The following PCMTD1 variants were observed in gnomAD, a reference collection of about 807,000 sequenced individuals.
PCMTD1 encodes the protein protein-L-isoaspartate (D-aspartate) O-methyltransferase domain containing 1.
In PCMTD1, 12 loss-of-function variants were observed where a neutral mutation model predicts 37.6. The observed-to-expected ratio is 0.32, with a 90% confidence interval of 0.20 to 0.52. The LOEUF is 0.52. Ranked by LOEUF, PCMTD1 falls within the 20% of genes least tolerant of loss-of-function variation. PCMTD1 has a pLI of 0.97. For synonymous variants in PCMTD1, 117 were observed against 135.8 expected (o/e 0.86, Z 0.96); for missense variants, 235 against 421.3 (o/e 0.56, Z 3.87).
At chr8:51,830,917 T>C (rs2037988118) in intron 5 of PCMTD1, among the ~76,000 whole-genome samples, 1 of 152,000 alleles carries the variant, frequency 6.6e-6, no homozygotes, top group South Asian at 2.1e-4. Flanking sequence ...AATTTGGTTT[T>C]GGTTTGACCT....
At chr8:51,898,140 C>CT (rs1417030806) in intron 1 of PCMTD1, among the ~76,000 whole-genome samples, 1 of 149,856 alleles carries the variant, frequency 6.7e-6, no homozygotes, top group African/African-American at 2.4e-5. Flanking sequence ...TAAAAGCATA[C>CT]TTTTTTCCTC....
chr8:51,837,607 G>A (rs991317364), intron 3 of PCMTD1, among the ~76,000 whole-genome samples: 8 of 151,996 alleles, frequency 5.3e-5, no homozygotes, highest in Non-Finnish European at 1.0e-4. Context: ...ATCAGTTAAA[G>A]AAAAAAGCTC....
At chr8:51,873,432 C>T (rs1249997261) in intron 1 of PCMTD1, among the ~76,000 whole-genome samples, 1 of 152,164 alleles carries the variant, frequency 6.6e-6, no homozygotes, top group South Asian at 2.1e-4. Flanking sequence ...TATTCTATCC[C>T]TACTTTTCTG....
chr8:51,832,244 G>A (rs147708823), intron 4 of PCMTD1, among the ~76,000 whole-genome samples: 4 of 152,278 alleles, frequency 2.6e-5, no homozygotes, highest in East Asian at 1.9e-4. Flanking sequence ...CATATTTTAC[G>A]TATTTGAAAA....
intron 1 of PCMTD1, among the ~76,000 whole-genome samples, chr8:51,881,970 T>C (rs1033696019): frequency 4.6e-5 from 7 of 152,172 alleles, no homozygotes; most frequent in Non-Finnish European, 1.0e-4. Context: ...CCTAGAAAGT[T>C]CTCCCTGTTC....
chr8:51,842,218 T>C (rs974973313), intron 3 of PCMTD1, among the ~76,000 whole-genome samples: 1 of 152,184 alleles, frequency 6.6e-6, no homozygotes, highest in African/African-American at 2.4e-5. Flanking sequence ...ATTATTTCAT[T>C]TGATGATATA....
intron 5 of PCMTD1, among the ~76,000 whole-genome samples, chr8:51,829,284 A>C (rs1015313561): frequency 4.6e-5 from 7 of 152,186 alleles, no homozygotes; most frequent in African/African-American, 7.2e-5. Flanking sequence ...CATTTATGCC[A>C]CTAACACTCT....
chr8:51,833,326 G>T (rs1443952725), intron 4 of PCMTD1, among the ~76,000 whole-genome samples, 192 bp downstream of exon 4: 1 of 152,182 alleles, frequency 6.6e-6, no homozygotes, highest in South Asian at 2.1e-4. Flanking sequence ...ATAGTAGAGA[G>T]ATCTTTTCTC....
chr8:51,889,532 T>C (rs1190484755), intron 1 of PCMTD1, among the ~76,000 whole-genome samples: 1 of 152,192 alleles, frequency 6.6e-6, no homozygotes, highest in Non-Finnish European at 1.5e-5. Flanking sequence ...CTCAACACTG[T>C]TGATTGCTGA....
intron 2 of PCMTD1, among the ~76,000 whole-genome samples, chr8:51,852,224 G>T (rs1384664757): frequency 6.6e-6 from 1 of 152,134 alleles, no homozygotes; most frequent in Non-Finnish European, 1.5e-5. Context: ...CTGGCACAGG[G>T]TCTAACATAA....
chr8:51,828,426 T>C (rs925673205), intron 5 of PCMTD1, among the ~76,000 whole-genome samples: 5 of 152,130 alleles, frequency 3.3e-5, no homozygotes, highest in African/African-American at 4.8e-5. Flanking sequence ...AGCATAAATA[T>C]ATAGAGTACA....
At chr8:51,828,852 T>C (rs2037959511) in intron 5 of PCMTD1, among the ~76,000 whole-genome samples, 1 of 152,208 alleles carries the variant, frequency 6.6e-6, no homozygotes, top group African/African-American at 2.4e-5. Flanking sequence ...GAATACCCAG[T>C]GATACCAGTT....
In PCMTD1 at chr8:51,861,005, A is replaced by G; in HGVS notation, c.147T>C (p.Asn49=). The G allele has an allele frequency of 2.5e-6, 4 of 1,614,134 alleles. No homozygotes were observed. Among genetic ancestry groups the G allele is most frequent in the Non-Finnish European group, 3.4e-6 (4 of 1,180,002 alleles). Residue 49 remains asparagine (N), a synonymous_variant, in exon 2 of 6, where the codon AAT becomes AAC. Transcript: ENST00000522514. The part of the protein sequence containing the change: ...GDYYLEGYRD[N]AYKDLAWKHG... ...GCTTCCAGGCTAAGTCTTTGTAAGC[A>G]TTGTCTCTGTAGCCTTCCAAATAGT... is the stretch of plus-strand genomic sequence containing the variant.
intron 1 of PCMTD1, among the ~76,000 whole-genome samples, chr8:51,861,729 T>G (rs946916593): frequency 3.3e-5 from 5 of 151,730 alleles, no homozygotes; most frequent in Non-Finnish European, 5.9e-5. Context: ...TTTTTTAATT[T>G]TTTTTTTTTT....
chr8:51,840,878 G>A (rs1001038149), intron 3 of PCMTD1, among the ~76,000 whole-genome samples: 8 of 152,044 alleles, frequency 5.3e-5, no homozygotes, highest in African/African-American at 1.7e-4. Flanking sequence ...TAATGAACAA[G>A]GTATGCTCTT....
chr8:51,827,437 A>G (rs2037936839), intron 5 of PCMTD1: 5 of 468,012 alleles, frequency 1.1e-5, no homozygotes, highest in South Asian at 4.9e-5. Flanking sequence ...TGAGTAGTGT[A>G]GTATAATTGC....
rs545694440 is a variant in PCMTD1 at position 51,898,255 on chromosome 8, T to C, written c.-96+675A>G. Among the ~76,000 whole-genome samples, 6 of 152,276 alleles carry C rather than the reference T, an allele frequency of 3.9e-5. No homozygotes were observed. In the East Asian group the frequency reaches 1.2e-3, roughly 29 times the overall value. On this transcript the variant is annotated intron_variant, in intron 1 of 5. Coordinates refer to ENST00000522514, the MANE Select transcript of PCMTD1 (RefSeq NM_052937.4). ...AAATTATAGAAGTTCCAAAAAATCT[T>C]GGATTTGCAAAATTACTCCCTCGGG...
intron 3 of PCMTD1, among the ~76,000 whole-genome samples, chr8:51,835,436 C>T (rs1271857572): frequency 2.0e-5 from 3 of 151,998 alleles, no homozygotes; most frequent in Non-Finnish European, 4.4e-5. Context: ...GCCATAATCT[C>T]GGATTGTTTA....
intron 1 of PCMTD1, among the ~76,000 whole-genome samples, chr8:51,878,609 C>T (rs2038748778): frequency 6.6e-6 from 1 of 151,814 alleles, no homozygotes; most frequent in Admixed American, 6.6e-5. Context: ...ATTAGCCAGG[C>T]ATGGTGGCTC....
Sources: gnomAD v4.1 joint callset for allele counts (sites outside exome capture counted in the v4.1 genomes callset) on GRCh38, gnomAD v4.1.1 for gene constraint, MANE v1.5 for transcripts, NCBI Gene and HGNC (gene_info 2026-07-23, HGNC 2026-07-21) for gene names.